ITPR1: variants seen among roughly 807,000 people sequenced by gnomAD.
ITPR1 encodes the protein inositol 1,4,5-trisphosphate receptor type 1, also known as inositol 1,4,5-trisphosphate-gated calcium channel ITPR1.
ITPR1 carries 96 observed loss-of-function variants against 318.4 expected under a neutral mutation model. That is an observed-to-expected ratio of 0.30 (90% confidence interval 0.26 to 0.36). The LOEUF is 0.36. Ranked by LOEUF, ITPR1 falls within the 10% of genes least tolerant of loss-of-function variation. The pLI is 1.00. For synonymous variants in ITPR1, 1,312 were observed against 1,289.9 expected, an observed-to-expected ratio of 1.02 and a Z score of -0.37; for missense variants, 2,440 against 3,460.2, an observed-to-expected ratio of 0.71 and a Z score of 7.40.
chr3:4,593,744 T>C (rs1388707016), intron 4 of ITPR1, among the ~76,000 whole-genome samples: 2 of 152,228 alleles, frequency 1.3e-5, no homozygotes, highest in Non-Finnish European at 2.9e-5. Context: ...CAGACTTGTA[T>C]AATATACCAG....
At chr3:4,704,718 G>A (rs1032229102) in intron 36 of ITPR1, among the ~76,000 whole-genome samples, 1 of 151,930 alleles carries the variant, frequency 6.6e-6, no homozygotes, top group Non-Finnish European at 1.5e-5. Context: ...TTGTCTTGGT[G>A]GTGATAAGAC....
intron 4 of ITPR1, among the ~76,000 whole-genome samples, chr3:4,526,967 A>AC (rs2083030899): frequency 6.6e-6 from 1 of 152,228 alleles, no homozygotes; most frequent in African/African-American, 2.4e-5. Context: ...ATTTCTTCCT[A>AC]CCTAGTATAA....
chr3:4,642,457 C>T (rs2125153449), intron 7 of ITPR1, among the ~76,000 whole-genome samples: 1 of 152,280 alleles, frequency 6.6e-6, no homozygotes, highest in East Asian at 1.9e-4. Context: ...TGTTTTTCCT[C>T]CTGGATGTCT....
chr3:4,658,126 G>A lies in ITPR1; in HGVS notation c.999G>A (p.Val333=), dbSNP rs2125184254. ...EEECLEFQPS[V]DPDQDASRSR... ...ATTTGGTGACTTTACCTCCTCAGGT[G>A]GACCCTGATCAGGACGCCTCTCGAA... The change falls in exon 13 of 62, where the codon GTG becomes GTA. Residue 333 remains valine, a splice_region_variant and synonymous_variant. Transcript: ENST00000649015. The A allele has an allele frequency of 6.2e-7, 1 of 1,610,562 alleles. No individual in the cohort carries two copies. The highest frequency in any genetic ancestry group is 1.3e-5 in the African/African-American group (1 of 74,958).
chr3:4,700,751 G>A (rs78485956), intron 35 of ITPR1, among the ~76,000 whole-genome samples: 6,589 of 152,214 alleles, frequency 0.043, 515 homozygotes, highest in African/African-American at 0.15. Context: ...AGACATACCC[G>A]ATACTGGGCA....
intron 60 of ITPR1, among the ~76,000 whole-genome samples, chr3:4,818,491 C>T (rs1017807504): frequency 6.6e-6 from 1 of 152,188 alleles, no homozygotes; most frequent in Non-Finnish European, 1.5e-5. Context: ...GAGATTAGCA[C>T]GTGACCACGG....
At chr3:4,845,315 AACTAAG>A (rs2051682252) in intron 61 of ITPR1, among the ~76,000 whole-genome samples, 2 of 152,256 alleles carry the variant, frequency 1.3e-5, no homozygotes, top group African/African-American at 4.8e-5. Flanking sequence ...TAAAATCCAA[AACTAAG>A]ACTAACTGGG....
intron 4 of ITPR1, among the ~76,000 whole-genome samples, chr3:4,535,587 T>G (rs1368656809): frequency 6.6e-6 from 1 of 151,382 alleles, no homozygotes; most frequent in East Asian, 1.9e-4. Context: ...GGACTACAGG[T>G]GCCTGCCACC....
At chr3:4,581,603 A>G (rs2089348498) in intron 4 of ITPR1, among the ~76,000 whole-genome samples, 2 of 152,236 alleles carry the variant, frequency 1.3e-5, no homozygotes, top group African/African-American at 4.8e-5. Flanking sequence ...GCAAACATCT[A>G]TTTTTGCTTT....
In ITPR1 at chr3:4,814,539, G is replaced by A. The variant is rs1440087774; in HGVS notation, c.7678G>A (p.Val2560Ile). Residue 2560 changes from valine (V) to isoleucine (I), a missense_variant, in exon 58 of 62, where the codon GTA becomes ATA. Val to Ile is a conservative substitution (Grantham distance 29). Around this residue, in one of 23 missense-constraint regions of ITPR1, gnomAD observed 72 missense variants for 197.7 expected, o/e 0.36. Coordinates refer to ENST00000649015, the MANE Select transcript of ITPR1 (RefSeq NM_001378452.1). The stretch of plus-strand genomic sequence containing the variant: ...GCGGAGCGGGGGTGGAGTAGGAGAT[G>A]TACTCAGGAAGCCGTCCAAAGAGGT... Reference protein sequence around the residue: ...GLRSGGGVGDVLRKPSKEEPL... With the variant: ...GLRSGGGVGDILRKPSKEEPL... 6.3e-7 allele frequency: 1 copy of A among 1,581,252 alleles called. No homozygotes were observed. Among genetic ancestry groups the A allele is most frequent in the Non-Finnish European group, 8.6e-7 (1 of 1,164,512 alleles).
chr3:4,810,009 GA>G (rs1342450103), intron 55 of ITPR1, among the ~76,000 whole-genome samples: 9 of 152,058 alleles, frequency 5.9e-5, no homozygotes, highest in African/African-American at 1.7e-4. Flanking sequence ...CAAGGAGGCA[GA>G]AAAGCCAATC....
In ITPR1 at chr3:4,674,060, T is replaced by C. The variant is rs75054056; in HGVS notation, c.2457-142T>C. The stretch of plus-strand genomic sequence containing the variant: ...CGACTCAAATATATAGTTGGTGATA[T>C]ATGCTAAGGAGGGAAAAAATAAAGT... On this transcript the variant is annotated intron_variant, in intron 21 of 61. Coordinates refer to ENST00000649015, the MANE Select transcript of ITPR1 (RefSeq NM_001378452.1). 5.8e-3 allele frequency: 3,490 copies of C among 604,028 alleles called. 45 individuals carry two copies. Among genetic ancestry groups the C allele is most frequent in the African/African-American group, 0.029 (1,510 of 52,968 alleles). 37.4% of individuals were successfully genotyped at this position (604,028 alleles called of 1,614,324 possible).
rs369108656 is a variant in ITPR1, at chr3:4,733,202, G to A, written c.5335G>A (p.Gly1779Ser). The stretch of plus-strand genomic sequence containing the variant: ...TGGCCCACTGTCAGCAGGAGGACCC[G>A]GCAAGCCCGGGGGAGGAGGTACGCT... ...GNGPLSAGGP[G>S]KPGGGGGGSG... Residue 1779 changes from glycine to serine, a missense_variant, in exon 43 of 62, where the codon GGC becomes AGC. By Grantham distance (56) the Gly-to-Ser change is moderately conservative. Coordinates refer to ENST00000649015, the MANE Select transcript of ITPR1 (RefSeq NM_001378452.1). 199 of 1,613,998 alleles carry A rather than the reference G, an allele frequency of 1.2e-4. 1 individual carries two copies. The highest frequency in any genetic ancestry group is 8.3e-4 in the Middle Eastern group (5 of 6,058).
At chr3:4,519,959 C>T (rs1243544948) in intron 3 of ITPR1, among the ~76,000 whole-genome samples, 2 of 152,046 alleles carry the variant, frequency 1.3e-5, no homozygotes, top group Non-Finnish European at 2.9e-5. Flanking sequence ...GAAGGTGGGG[C>T]TCTTACCCTG....
At position 4,764,749 on chromosome 3, in the gene ITPR1, C is replaced by A. The variant is rs112103922; in HGVS notation, c.5545-1781C>A. Among the ~76,000 whole-genome samples, 1,349 of 152,314 alleles carry A rather than the reference C, an allele frequency of 8.9e-3. 42 individuals carry two copies. In the South Asian group the frequency reaches 0.11, roughly 13 times the overall value. ...CGTCTGCCACAGCTTTGTTTACCAG[C>A]AGCCTCCTGGGTCACTTTTGTAGGG... On this transcript the variant is annotated intron_variant, in intron 44 of 61. Transcript: ENST00000649015.
intron 44 of ITPR1, chr3:4,749,081 A>G (rs1433451120): frequency 1.3e-5 from 2 of 152,248 alleles, no homozygotes; most frequent in Non-Finnish European, 2.9e-5. Flanking sequence ...CTGTCCCAAC[A>G]ACAGCTCCCT....
intron 36 of ITPR1, among the ~76,000 whole-genome samples, chr3:4,704,427 A>G (rs953722744): frequency 5.9e-5 from 9 of 152,142 alleles, no homozygotes; most frequent in Non-Finnish European, 7.4e-5. Flanking sequence ...AAACAAAAAA[A>G]TCCCTACCTG....
At chr3:4,623,070 T>G (rs931503) in intron 4 of ITPR1, among the ~76,000 whole-genome samples, 10 of 152,254 alleles carry the variant, frequency 6.6e-5, no homozygotes, top group Admixed American at 5.9e-4. Context: ...ACTTTTTTGC[T>G]TTCTCACTTT....
chr3:4,788,003 T>C lies in ITPR1; in HGVS notation c.6672T>C (p.Cys2224=), dbSNP rs771568377. Residue 2224 remains cysteine (C), a synonymous_variant, in exon 52 of 62, where the codon TGT becomes TGC. Coordinates refer to ENST00000649015, the MANE Select transcript of ITPR1 (RefSeq NM_001378452.1). The stretch of plus-strand genomic sequence containing the variant: ...TAGTCTTTCCCGTGCCCAGCATATG[T>C]GAATTCCTAACCAAGGAGTCAAAAC... ...EQIVFPVPSI[C]EFLTKESKLR... The C allele has an allele frequency of 1.2e-6, 2 of 1,613,086 alleles. No homozygotes were observed. Among genetic ancestry groups the C allele is most frequent in the Non-Finnish European group, 1.7e-6 (2 of 1,179,386 alleles).
Sources: allele counts gnomAD v4.1 joint callset (sites outside exome capture counted in the v4.1 genomes callset), GRCh38; gene constraint gnomAD v4.1.1; regional missense constraint gnomAD v4.1.1; transcripts MANE v1.5; gene names NCBI Gene and HGNC (gene_info 2026-07-23, HGNC 2026-07-21).